THSD7A: variants seen among roughly 807,000 people sequenced by gnomAD.
The protein encoded by THSD7A is thrombospondin type 1 domain containing 7A.
A neutral mutation model predicts 231.3 loss-of-function variants in THSD7A; 96 were observed. That is an observed-to-expected ratio of 0.41 (90% CI 0.35 to 0.49). THSD7A has a LOEUF of 0.49. Ranked by LOEUF, THSD7A falls within the 20% of genes least tolerant of loss-of-function variation. The pLI is 0.05. For synonymous variants in THSD7A, 940 were observed against 743.3 expected (o/e 1.26, Z -4.30); for missense variants, 2,290 against 2,070.2 (o/e 1.11, Z -2.06).
intron 1 of THSD7A, among the ~76,000 whole-genome samples, chr7:11,640,759 G>T (rs1782049023): frequency 1.3e-5 from 2 of 151,920 alleles, no homozygotes; most frequent in Non-Finnish European, 2.9e-5. Flanking sequence ...TTCTACTCAA[G>T]ATGTACAAAT....
chr7:11,698,490 G>A (rs542093573), intron 1 of THSD7A, among the ~76,000 whole-genome samples: 2 of 151,502 alleles, frequency 1.3e-5, no homozygotes, highest in African/African-American at 4.8e-5. Context: ...TTTAGCTACA[G>A]CTGACAGATG....
chr7:11,632,303 T>C lies in THSD7A; in HGVS notation c.1022+3827A>G, dbSNP rs530428118. Among the ~76,000 whole-genome samples, 11 of 152,268 alleles carry C rather than the reference T, an allele frequency of 7.2e-5. No homozygotes were observed. In the South Asian group the frequency reaches 1.7e-3, roughly 23 times the overall value. Reference sequence around the variant, plus strand: ...CCAAGTCTAGTGTTAAGTGCAGAACTTTTATAGTTAAGCATATTTACATAT... The same window carrying C: ...CCAAGTCTAGTGTTAAGTGCAGAACCTTTATAGTTAAGCATATTTACATAT... On this transcript the variant is annotated intron_variant, in intron 2 of 27. Transcript: ENST00000423059. The surrounding 1 kb of genome is among the most constrained non-coding windows in gnomAD (Gnocchi z 4.1).
At chr7:11,725,538 G>A (rs1283887373) in intron 1 of THSD7A, among the ~76,000 whole-genome samples, 1 of 151,932 alleles carries the variant, frequency 6.6e-6, no homozygotes. Flanking sequence ...ATGAAAAAGC[G>A]AAATGTCAAT....
chr7:11,540,638 G>A lies in THSD7A; in HGVS notation c.1822+781C>T, dbSNP rs370343807. 2.0e-5 allele frequency among the ~76,000 whole-genome samples: 3 copies of A among 152,288 alleles called. 1 individual carries two copies. On this transcript the variant is annotated intron_variant, in intron 6 of 27. Transcript: ENST00000423059. The stretch of plus-strand genomic sequence containing the variant: ...TGTCCAGAGGTTTTAAAGTATGTCT[G>A]GGGGAGTCTTGTGGTTTTCAAGTGT...
chr7:11,806,458 C>T (rs1784399735), intron 1 of THSD7A, among the ~76,000 whole-genome samples: 1 of 152,114 alleles, frequency 6.6e-6, no homozygotes, highest in South Asian at 2.1e-4. Flanking sequence ...GCAGGGACTT[C>T]AGCTTTAGTC....
intron 23 of THSD7A, among the ~76,000 whole-genome samples, chr7:11,396,192 C>T (rs1783179778): frequency 6.6e-6 from 1 of 152,090 alleles, no homozygotes; most frequent in South Asian, 2.1e-4. Flanking sequence ...CAGGAGAAAG[C>T]AGGAAAGATC....
intron 6 of THSD7A, among the ~76,000 whole-genome samples, chr7:11,518,623 A>ACACG (rs1554329538): frequency 6.2e-5 from 9 of 146,292 alleles, no homozygotes; most frequent in East Asian, 2.0e-4. Flanking sequence ...ACACACACGC[A>ACACG]CACACAGGCA....
At chr7:11,598,116 C>T (rs1780429580) in intron 2 of THSD7A, among the ~76,000 whole-genome samples, 1 of 152,196 alleles carries the variant, frequency 6.6e-6, no homozygotes, top group Non-Finnish European at 1.5e-5. Flanking sequence ...TCGAGCAGTG[C>T]ACCTAGTGGT....
At chr7:11,665,611 T>C (rs1783100854) in intron 1 of THSD7A, among the ~76,000 whole-genome samples, 1 of 152,104 alleles carries the variant, frequency 6.6e-6, no homozygotes, top group Admixed American at 6.6e-5. Context: ...TTGTAATCTT[T>C]AGTTGTTTAC....
chr7:11,458,285 G>A (rs755052736), intron 11 of THSD7A, among the ~76,000 whole-genome samples: 4 of 152,046 alleles, frequency 2.6e-5, no homozygotes, highest in Non-Finnish European at 5.9e-5. Context: ...TCTGAAAACA[G>A]CCACGACCAT....
At chr7:11,603,793 C>T (rs975213424) in intron 2 of THSD7A, among the ~76,000 whole-genome samples, 4 of 149,794 alleles carry the variant, frequency 2.7e-5, no homozygotes, top group African/African-American at 9.9e-5. Context: ...AAACCAAACA[C>T]CGCATATTCT....
chr7:11,659,575 C>T (rs1782846883), intron 1 of THSD7A, among the ~76,000 whole-genome samples: 1 of 151,240 alleles, frequency 6.6e-6, no homozygotes, highest in Non-Finnish European at 1.5e-5. Context: ...TTTATTGTAG[C>T]ACTTAGTGTG....
chr7:11,604,762 T>C (rs1780679873), intron 2 of THSD7A, among the ~76,000 whole-genome samples: 1 of 152,142 alleles, frequency 6.6e-6, no homozygotes, highest in Admixed American at 6.6e-5. Context: ...TAAATGAGTT[T>C]AACATTAATT....
At chr7:11,670,851 C>T (rs1333023788) in intron 1 of THSD7A, among the ~76,000 whole-genome samples, 1 of 152,142 alleles carries the variant, frequency 6.6e-6, no homozygotes, top group Non-Finnish European at 1.5e-5. Flanking sequence ...AATATTTCTG[C>T]CTCTTTACTG....
intron 4 of THSD7A, among the ~76,000 whole-genome samples, chr7:11,548,655 A>C (rs1789497570): frequency 6.6e-6 from 1 of 152,174 alleles, no homozygotes; most frequent in African/African-American, 2.4e-5. Flanking sequence ...CAGAAAGCTG[A>C]ACCACCACAA....
At chr7:11,751,017 C>A (rs571516554) in intron 1 of THSD7A, 1 of 152,084 alleles carries the variant, frequency 6.6e-6, no homozygotes, top group African/African-American at 2.4e-5. Flanking sequence ...CATCCCACCA[C>A]ATAATCACAT....
At chr7:11,402,128 T>C (rs542465606) in intron 22 of THSD7A, among the ~76,000 whole-genome samples, 160 bp from the exon 23 acceptor site, 77 of 152,350 alleles carry the variant, frequency 5.1e-4, no homozygotes, top group African/African-American at 1.8e-3. Context: ...AAATTTGTAA[T>C]TGTATAACTT....
At chr7:11,484,014 T>G (rs39195) in intron 6 of THSD7A, among the ~76,000 whole-genome samples, 2 of 151,628 alleles carry the variant, frequency 1.3e-5, no homozygotes, top group Admixed American at 1.3e-4. Context: ...GCACTCCCCC[T>G]GCCCCCCATC....
intron 1 of THSD7A, among the ~76,000 whole-genome samples, chr7:11,717,541 T>C (rs1437216220): frequency 1.3e-5 from 2 of 151,656 alleles, no homozygotes; most frequent in East Asian, 2.0e-4. Context: ...TTTCTTTTTC[T>C]TTATTGGAAC....
Sources: gnomAD v4.1 joint callset for allele counts (sites outside exome capture counted in the v4.1 genomes callset) on GRCh38, gnomAD v4.1.1 for gene constraint, Gnocchi (gnomAD v3.1) non-coding constraint, MANE v1.5 for transcripts, NCBI Gene and HGNC (gene_info 2026-07-23, HGNC 2026-07-21) for gene names.